The following JAZF1 variants were observed in gnomAD, a reference collection of about 807,000 sequenced individuals.
JAZF1 encodes the protein juxtaposed with another zinc finger protein 1.
Under a neutral mutation model 26.4 loss-of-function variants are expected in JAZF1, and 8 were observed. The ratio of observed to expected loss-of-function variants is 0.30; its 90% CI spans 0.18 to 0.55. The LOEUF is 0.55. Ranked by LOEUF, JAZF1 falls within the 20% of genes least tolerant of loss-of-function variation. The probability of loss-of-function intolerance (pLI) is 0.94; values close to 1 mark genes in which losing one functional copy is unlikely to be tolerated. For synonymous variants in JAZF1, 126 were observed against 122.3 expected, an observed-to-expected ratio of 1.03 and a Z score of -0.20; for missense variants, 199 against 322.0, an observed-to-expected ratio of 0.62 and a Z score of 2.92.
intron 3 of JAZF1, among the ~76,000 whole-genome samples, chr7:27,892,223 T>C (rs1562520696): frequency 6.6e-6 from 1 of 152,334 alleles, no homozygotes; most frequent in East Asian, 1.9e-4. Context: ...TTTCCCCTGC[T>C]AATTTTTGAT....
intron 3 of JAZF1, among the ~76,000 whole-genome samples, chr7:27,855,839 G>A (rs1783239355): frequency 2.0e-5 from 3 of 152,146 alleles, no homozygotes; most frequent in Admixed American, 2.0e-4. Context: ...TAGAAAAAGA[G>A]GGACTCCTCC....
chr7:27,980,690 T>A (rs367961396), intron 2 of JAZF1, among the ~76,000 whole-genome samples: 1 of 151,586 alleles, frequency 6.6e-6, no homozygotes, highest in Non-Finnish European at 1.5e-5. Flanking sequence ...TTAGAGTTTA[T>A]TTCCCCTGAG....
At chr7:27,998,912 C>T (rs866894716) in intron 1 of JAZF1, among the ~76,000 whole-genome samples, 2 of 152,184 alleles carry the variant, frequency 1.3e-5, no homozygotes, top group Non-Finnish European at 2.9e-5. Flanking sequence ...TAGGATACTT[C>T]CCAACTTTAC....
chr7:28,081,507 G>A (rs771748057), intron 1 of JAZF1, among the ~76,000 whole-genome samples: 4 of 152,146 alleles, frequency 2.6e-5, no homozygotes, highest in East Asian at 1.9e-4. Flanking sequence ...ACTTCTTCAC[G>A]CTGCTTAGCT....
At chr7:27,864,199 C>G (rs2128336654) in intron 3 of JAZF1, 1 of 152,326 alleles carries the variant, frequency 6.6e-6, no homozygotes, top group East Asian at 1.9e-4. Flanking sequence ...GAATGTCACC[C>G]TAATTCCATG....
chr7:27,980,583 T>C (rs1325212616), intron 2 of JAZF1, among the ~76,000 whole-genome samples: 1 of 152,148 alleles, frequency 6.6e-6, no homozygotes, highest in East Asian at 1.9e-4. Flanking sequence ...AAGTTTCATT[T>C]CAATTTTGAG....
At chr7:27,833,255 T>C (rs766300965) in intron 4 of JAZF1, 18 of 206,120 alleles carry the variant, frequency 8.7e-5, no homozygotes, top group Non-Finnish European at 1.4e-4. Context: ...AAAATATATA[T>C]TTAGGACTTA....
intron 3 of JAZF1, among the ~76,000 whole-genome samples, chr7:27,859,462 T>G (rs1783336226): frequency 6.6e-6 from 1 of 152,204 alleles, no homozygotes; most frequent in Non-Finnish European, 1.5e-5. Flanking sequence ...CAGCAAAGAC[T>G]TGGAACCAAC....
intron 2 of JAZF1, among the ~76,000 whole-genome samples, chr7:27,903,714 C>G (rs946021854): frequency 1.1e-4 from 16 of 152,190 alleles, no homozygotes; most frequent in Admixed American, 1.0e-3. Context: ...GGACAGGCAA[C>G]AGGAGACCCT....
intron 2 of JAZF1, among the ~76,000 whole-genome samples, chr7:27,903,501 T>A (rs1784201668): frequency 6.6e-6 from 1 of 152,206 alleles, no homozygotes; most frequent in Non-Finnish European, 1.5e-5. Context: ...GGCCCAGGCA[T>A]CTATTAAATT....
At chr7:27,847,828 C>T (rs1783057530) in intron 3 of JAZF1, among the ~76,000 whole-genome samples, 2 of 152,052 alleles carry the variant, frequency 1.3e-5, no homozygotes, top group Admixed American at 6.6e-5. Context: ...CCACCATGCC[C>T]AGCTAATTTT....
chr7:27,965,472 A>G (rs940108652), intron 2 of JAZF1, among the ~76,000 whole-genome samples: 1 of 152,208 alleles, frequency 6.6e-6, no homozygotes, highest in Admixed American at 6.5e-5. Flanking sequence ...TTACTGCTTG[A>G]GATGAATCAA....
intron 1 of JAZF1, among the ~76,000 whole-genome samples, chr7:28,101,987 C>T (rs188606424): frequency 9.2e-5 from 14 of 152,084 alleles, no homozygotes; most frequent in Admixed American, 9.2e-4. Flanking sequence ...GTCTTATGAA[C>T]CACAGAGGAA....
chr7:28,016,631 A>G (rs1266405888), intron 1 of JAZF1, among the ~76,000 whole-genome samples: 1 of 152,116 alleles, frequency 6.6e-6, no homozygotes, highest in African/African-American at 2.4e-5. Context: ...GACCAAATAC[A>G]TCACCCTCAT....
At chr7:27,870,365 C>T (rs1392472570) in intron 3 of JAZF1, among the ~76,000 whole-genome samples, 2 of 152,050 alleles carry the variant, frequency 1.3e-5, no homozygotes, top group African/African-American at 2.4e-5. Context: ...CTGGCCATGT[C>T]CCATCCCTTT....
intron 2 of JAZF1, chr7:27,913,328 A>C: frequency 2.3e-6 from 1 of 432,072 alleles, no homozygotes; most frequent in South Asian, 1.7e-5. Context: ...GAGATTTTCT[A>C]ACCATACAAT....
chr7:28,093,376 C>T (rs1784333219), intron 1 of JAZF1, among the ~76,000 whole-genome samples: 1 of 152,186 alleles, frequency 6.6e-6, no homozygotes, highest in Non-Finnish European at 1.5e-5. Context: ...TTCTGCCTTC[C>T]ACCATGATTG....
At chr7:28,094,601 G>A (rs1350161067) in intron 1 of JAZF1, among the ~76,000 whole-genome samples, 2 of 152,062 alleles carry the variant, frequency 1.3e-5, no homozygotes, top group Non-Finnish European at 2.9e-5. Flanking sequence ...TATCTTACAG[G>A]AATGCCATGG....
chr7:28,132,397 T>C (rs1782809291), intron 1 of JAZF1, among the ~76,000 whole-genome samples: 1 of 152,116 alleles, frequency 6.6e-6, no homozygotes, highest in African/African-American at 2.4e-5. Context: ...TAAAGACTCG[T>C]GGGAACAAAG....
Sources: gnomAD v4.1 joint callset for allele counts (sites outside exome capture counted in the v4.1 genomes callset) on GRCh38, gnomAD v4.1.1 for gene constraint, MANE v1.5 for transcripts, NCBI Gene and HGNC (gene_info 2026-07-23, HGNC 2026-07-21) for gene names.